PDE4B: variants seen among roughly 807,000 people sequenced by gnomAD.
PDE4B encodes phosphodiesterase 4B, also known as 3',5'-cyclic-AMP phosphodiesterase 4B.
A neutral mutation model predicts 82.2 loss-of-function variants in PDE4B; 20 were observed. The observed-to-expected ratio is 0.24, with a 90% CI of 0.17 to 0.35. The LOEUF (loss-of-function observed/expected upper bound fraction) is 0.35, where lower values mean the gene tolerates loss of function less well. Ranked by LOEUF, PDE4B falls within the 10% of genes least tolerant of loss-of-function variation. PDE4B has a pLI of 1.00. For missense variants in PDE4B, 655 were observed against 907.2 expected (o/e 0.72, Z 3.57); for synonymous variants, 320 against 318.9 (o/e 1.00, Z -0.04).
At chr1:65,889,911 G>T (rs556058506) in intron 1 of PDE4B, among the ~76,000 whole-genome samples, 25 of 152,204 alleles carry the variant, frequency 1.6e-4, no homozygotes, top group Non-Finnish European at 7.4e-5. Flanking sequence ...CTATTGTGAG[G>T]TGTCCACTGG....
intron 3 of PDE4B, among the ~76,000 whole-genome samples, chr1:66,244,630 T>C (rs1255014086): frequency 1.3e-5 from 2 of 152,216 alleles, no homozygotes; most frequent in South Asian, 4.1e-4. Context: ...GTCTGGTTGG[T>C]GATTCATGTT....
chr1:66,110,832 A>G (rs181076211), intron 3 of PDE4B, among the ~76,000 whole-genome samples: 10 of 152,192 alleles, frequency 6.6e-5, no homozygotes, highest in African/African-American at 2.4e-4. Context: ...GGTGATGACT[A>G]TGACTGCTAT....
intron 3 of PDE4B, among the ~76,000 whole-genome samples, chr1:66,010,297 A>C (rs1458717074): frequency 6.6e-6 from 1 of 151,634 alleles, no homozygotes; most frequent in Admixed American, 6.6e-5. Flanking sequence ...TGGAAATATA[A>C]ATTTTAAAAT....
At chr1:66,338,981 T>C (rs1244426607) in intron 8 of PDE4B, among the ~76,000 whole-genome samples, 1 of 141,422 alleles carries the variant, frequency 7.1e-6, no homozygotes, top group Non-Finnish European at 1.5e-5. Flanking sequence ...ATCCCGCCAC[T>C]GCACTCCAGC....
At chr1:65,900,729 G>A (rs887405496) in intron 1 of PDE4B, among the ~76,000 whole-genome samples, 2 of 152,018 alleles carry the variant, frequency 1.3e-5, no homozygotes, top group Admixed American at 1.3e-4. Context: ...TTGTGAATGA[G>A]ATTACATTCT....
chr1:66,081,273 T>C (rs1362027805), intron 3 of PDE4B, among the ~76,000 whole-genome samples: 1 of 152,112 alleles, frequency 6.6e-6, no homozygotes, highest in African/African-American at 2.4e-5. Context: ...GTCTCTTCTG[T>C]TATCAACGTT....
chr1:66,050,535 T>A (rs1340170241), intron 3 of PDE4B: 1 of 152,114 alleles, frequency 6.6e-6, no homozygotes, highest in Non-Finnish European at 1.5e-5. Flanking sequence ...ATTTACCTAC[T>A]AATGTATGAT....
chr1:66,130,681 T>A (rs979371339), intron 3 of PDE4B, among the ~76,000 whole-genome samples: 2 of 152,198 alleles, frequency 1.3e-5, no homozygotes, highest in African/African-American at 4.8e-5. Context: ...ATGTAGGCTA[T>A]ACCCTATACT....
At chr1:66,061,055 TCC>T (rs2100896360) in intron 3 of PDE4B, among the ~76,000 whole-genome samples, 1 of 151,908 alleles carries the variant, frequency 6.6e-6, no homozygotes, top group East Asian at 1.9e-4. Flanking sequence ...ATGTTCTTTG[TCC>T]TTTTTCAGGG....
At chr1:66,167,824 T>C (rs1458484848) in intron 3 of PDE4B, among the ~76,000 whole-genome samples, 1 of 152,204 alleles carries the variant, frequency 6.6e-6, no homozygotes, top group Non-Finnish European at 1.5e-5. Context: ...TATCCAATAT[T>C]CCTAGATCAT....
intron 3 of PDE4B, among the ~76,000 whole-genome samples, chr1:66,141,840 T>G (rs777771658): frequency 1.3e-5 from 2 of 152,092 alleles, no homozygotes; most frequent in Non-Finnish European, 1.5e-5. Context: ...TGAGGTATCA[T>G]GAAAACAGCA....
Position 66,332,263 on chromosome 1 carries a change from G to T in PDE4B, c.635-245G>T, listed in dbSNP as rs528169911. 60 of 1,472,404 alleles carry T rather than the reference G, an allele frequency of 4.1e-5. No individual in the cohort carries two copies. In the South Asian group the frequency reaches 8.0e-4, roughly 20 times the overall value. 91.2% of individuals were successfully genotyped at this position (1,472,404 alleles called of 1,614,324 possible). A position where few individuals can be genotyped will look rare whatever the true frequency, so the allele number is the denominator to read the frequency against. On this transcript the variant is annotated intron_variant, in intron 7 of 16. Transcript: ENST00000341517. Reference sequence around the variant, plus strand: ...CTTCCTCAGAGGAAGTTTCTTGGTAGATCACCGACACCTCATCCAGGCGGG... The same window carrying T: ...CTTCCTCAGAGGAAGTTTCTTGGTATATCACCGACACCTCATCCAGGCGGG...
intron 8 of PDE4B, among the ~76,000 whole-genome samples, chr1:66,348,980 A>T (rs958703995): frequency 3.3e-5 from 5 of 152,124 alleles, no homozygotes; most frequent in African/African-American, 1.2e-4. Flanking sequence ...TCAATTTTTT[A>T]GTGTTCCAAT....
At chr1:65,819,764 G>T (rs1283015381) in intron 1 of PDE4B, among the ~76,000 whole-genome samples, 1 of 152,088 alleles carries the variant, frequency 6.6e-6, no homozygotes, top group Non-Finnish European at 1.5e-5. Context: ...CTCCCAAAGT[G>T]CTGAGTCACC....
At chr1:65,938,311 C>A (rs1648264535) in intron 3 of PDE4B, among the ~76,000 whole-genome samples, 1 of 152,170 alleles carries the variant, frequency 6.6e-6, no homozygotes, top group South Asian at 2.1e-4. Context: ...ACTTGTGTCA[C>A]CTTAGGTAGA....
intron 1 of PDE4B, among the ~76,000 whole-genome samples, chr1:65,912,051 A>T (rs1252903752): frequency 6.6e-6 from 1 of 152,170 alleles, no homozygotes; most frequent in East Asian, 1.9e-4. Context: ...AGTGAAAAAA[A>T]TATGTAGGAG....
intron 3 of PDE4B, among the ~76,000 whole-genome samples, chr1:66,236,160 C>T (rs1284829076): frequency 1.3e-5 from 2 of 151,962 alleles, no homozygotes; most frequent in Admixed American, 6.6e-5. Flanking sequence ...CCTTTGTTAG[C>T]TTATTATATA....
intron 1 of PDE4B, among the ~76,000 whole-genome samples, chr1:65,838,039 A>G (rs1479058504): frequency 6.6e-6 from 1 of 152,234 alleles, no homozygotes; most frequent in Non-Finnish European, 1.5e-5. Context: ...GATATAAAAC[A>G]TCATTGCAAA....
chr1:65,822,895 T>C (rs1269417437), intron 1 of PDE4B, among the ~76,000 whole-genome samples: 1 of 152,234 alleles, frequency 6.6e-6, no homozygotes, highest in Non-Finnish European at 1.5e-5. Flanking sequence ...TATTTTGTTA[T>C]AGCAGCAGAA....
Sources: gnomAD v4.1 joint callset for allele counts (sites outside exome capture counted in the v4.1 genomes callset) on GRCh38, gnomAD v4.1.1 for gene constraint, MANE v1.5 for transcripts, NCBI Gene and HGNC (gene_info 2026-07-23, HGNC 2026-07-21) for gene names.